Variants in ATCAY observed in about 807,000 individuals in gnomAD.
ATCAY encodes the protein ATCAY kinesin light chain interacting caytaxin.
In ATCAY, 22 loss-of-function variants were observed where a neutral mutation model predicts 47.7. That is an observed-to-expected ratio of 0.46 (90% CI 0.33 to 0.66). ATCAY has a LOEUF of 0.66. ATCAY is among the 30% of genes least tolerant of loss of function. The pLI is 0.02. For missense variants in ATCAY, 452 were observed against 515.0 expected (o/e 0.88, Z 1.18); for synonymous variants, 216 against 207.6 (o/e 1.04, Z -0.35).
Position 3,918,728 on chromosome 19 carries a change from G to C in ATCAY, c.1002-78G>C, listed in dbSNP as rs902286672. 6.7e-6 allele frequency: 10 copies of C among 1,500,362 alleles called. No homozygotes were observed. The Admixed American group carries it at 1.7e-4, about 26-fold the overall frequency. 92.9% of individuals were successfully genotyped at this position (1,500,362 alleles called of 1,614,324 possible). ...TCCCAGGGGACAGGAAAACCAGAGA[G>C]GCCAGTACTAGCTGAGAGCCCACCC... On this transcript the variant is annotated intron_variant, in intron 10 of 12. Coordinates refer to ENST00000450849, the MANE Select transcript of ATCAY (RefSeq NM_033064.5).
chr19:3,923,549 G>A (rs1019310999), intron 12 of ATCAY, among the ~76,000 whole-genome samples: 1 of 151,958 alleles, frequency 6.6e-6, no homozygotes, highest in Non-Finnish European at 1.5e-5. Context: ...TAGGTGGATG[G>A]ATGGATGGAT....
intron 5 of ATCAY, 96 bp downstream of exon 5, chr19:3,908,015 T>G (rs953743711): frequency 1.4e-6 from 2 of 1,458,584 alleles, no homozygotes; most frequent in African/African-American, 1.4e-5. Context: ...ACGGGGATGT[T>G]AAGCCGTCAA....
chr19:3,924,756 C>G lies in ATCAY; in HGVS notation c.*164C>G. On this transcript the variant is annotated 3_prime_UTR_variant, in exon 13 of 13. Transcript: ENST00000450849. ...CTCTGAAACCCAGCATCCTTTTCAG[C>G]TGCTTGAAAACATTGTATTTTTTTT... 1.5e-6 allele frequency: 1 copy of G among 679,662 alleles called. No homozygotes were observed. The highest frequency in any genetic ancestry group is 2.4e-6 in the Non-Finnish European group (1 of 413,478). 42.1% of individuals were successfully genotyped at this position (679,662 alleles called of 1,614,324 possible). A position where few individuals can be genotyped will look rare whatever the true frequency, so the allele number is the denominator to read the frequency against.
chr19:3,882,610 G>A (rs781591803), intron 1 of ATCAY, among the ~76,000 whole-genome samples: 1 of 148,184 alleles, frequency 6.7e-6, no homozygotes. Context: ...GGGATTACAG[G>A]TGTGAGCCAC....
chr19:3,918,505 T>C (rs1332952339), intron 10 of ATCAY, among the ~76,000 whole-genome samples: 4 of 149,926 alleles, frequency 2.7e-5, no homozygotes, highest in Non-Finnish European at 5.9e-5. Flanking sequence ...CAGTGAGCCA[T>C]GATTGTACCA....
At chr19:3,901,144 C>T (rs1461087246) in intron 2 of ATCAY, among the ~76,000 whole-genome samples, 3 of 151,926 alleles carry the variant, frequency 2.0e-5, no homozygotes, top group Admixed American at 6.6e-5. Flanking sequence ...CCTCGTGATC[C>T]GCACGCCTCG....
In ATCAY at chr19:3,884,056, C is replaced by G. The variant is rs576568713; in HGVS notation, c.-41-1671C>G. Among the ~76,000 whole-genome samples, 4 of 152,150 alleles carry G rather than the reference C, an allele frequency of 2.6e-5. No individual in the cohort carries two copies. In the East Asian group the frequency reaches 5.8e-4, roughly 22 times the overall value. On this transcript the variant is annotated intron_variant, in intron 1 of 12. Coordinates refer to ENST00000450849, the MANE Select transcript of ATCAY (RefSeq NM_033064.5). The stretch of plus-strand genomic sequence containing the variant: ...CAGTGGCTCACACCTGTAATCCCAG[C>G]GCTCTGGGAGGCTGAGGCAAGAGGA...
At chr19:3,908,702 TCCTCCCTTTTCTCCTCCTCC>T (rs2038890469) in intron 6 of ATCAY, among the ~76,000 whole-genome samples, 1 of 89,582 alleles carries the variant, frequency 1.1e-5, no homozygotes, top group African/African-American at 4.7e-5. Flanking sequence ...TCCCCCCTCC[TCCTCCCTTTTCTCCTCCTCC>T]TCCCCTTCCC....
At chr19:3,908,800 CTTTCTCCA>C in intron 6 of ATCAY, among the ~76,000 whole-genome samples, 1 of 108,682 alleles carries the variant, frequency 9.2e-6, no homozygotes, top group Non-Finnish European at 2.0e-5. Context: ...TCTTCCTCCC[CTTTCTCCA>C]CCTCATCCTC....
rs1201861541 is a variant in ATCAY, at chr19:3,883,341, C to CA, written c.-42+2343dup. 4.3e-4 allele frequency among the ~76,000 whole-genome samples: 62 copies of CA among 144,942 alleles called. 1 individual carries two copies. Among genetic ancestry groups the CA allele is most frequent in the East Asian group, 1.6e-3 (8 of 4,988 alleles). Reference sequence around the variant, plus strand: ...TGGGCGACAGAGCGAGACTCTGTCTCAAAAAAAAAATGACAACAAAAAAAG... The same window carrying CA: ...TGGGCGACAGAGCGAGACTCTGTCTCAAAAAAAAAAATGACAACAAAAAAAG... On this transcript the variant is annotated intron_variant, in intron 1 of 12. Transcript: ENST00000450849.
intron 9 of ATCAY, among the ~76,000 whole-genome samples, chr19:3,916,954 C>T (rs1024220324): frequency 6.6e-6 from 1 of 151,816 alleles, no homozygotes; most frequent in Non-Finnish European, 1.5e-5. Flanking sequence ...ATTACAGGCA[C>T]CTGCCACCAC....
chr19:3,888,466 C>T (rs1024771798), intron 2 of ATCAY, among the ~76,000 whole-genome samples: 2 of 151,802 alleles, frequency 1.3e-5, no homozygotes, highest in Admixed American at 6.6e-5. Context: ...CCCGTCTCTA[C>T]TAAAAATACA....
chr19:3,896,558 C>T (rs535607800), intron 2 of ATCAY, among the ~76,000 whole-genome samples: 5 of 151,814 alleles, frequency 3.3e-5, no homozygotes, highest in South Asian at 4.2e-4. Context: ...TGAGCCCCTG[C>T]GCCCGGCCTG....
At chr19:3,922,220 G>A (rs1222711108) in intron 12 of ATCAY, 5 of 701,268 alleles carry the variant, frequency 7.1e-6, no homozygotes, top group East Asian at 5.4e-5. Context: ...CCTAAGTCAC[G>A]TTGTGAGTGT....
intron 4 of ATCAY, among the ~76,000 whole-genome samples, chr19:3,906,443 C>G (rs1373815530): frequency 1.3e-5 from 2 of 151,480 alleles, no homozygotes; most frequent in Non-Finnish European, 2.9e-5. Context: ...GCTGGGATTA[C>G]AGGCATGCAC....
At chr19:3,881,953 G>C (rs1467868280) in intron 1 of ATCAY, among the ~76,000 whole-genome samples, 1 of 138,502 alleles carries the variant, frequency 7.2e-6, no homozygotes, top group Non-Finnish European at 1.5e-5. Context: ...CATGAATGAC[G>C]ACATTGAGGA....
At position 3,911,752 on chromosome 19, in the gene ATCAY, T is replaced by C. The variant is rs2038924182; in HGVS notation, c.866+863T>C. On this transcript the variant is annotated intron_variant, in intron 8 of 12. Coordinates refer to ENST00000450849, the MANE Select transcript of ATCAY (RefSeq NM_033064.5). The stretch of plus-strand genomic sequence containing the variant: ...TTTAATCTAATGCAAAACATTGAAT[T>C]GAATAAAGATTCCTAATGTTCACGT... 2.0e-5 allele frequency among the ~76,000 whole-genome samples: 3 copies of C among 152,134 alleles called. No individual in the cohort carries two copies. In the South Asian group the frequency reaches 6.2e-4, roughly 31 times the overall value.
At chr19:3,918,497 G>A (rs1359028440) in intron 10 of ATCAY, among the ~76,000 whole-genome samples, 1 of 151,718 alleles carries the variant, frequency 6.6e-6, no homozygotes, top group East Asian at 1.9e-4. Context: ...TGAGGCTGCA[G>A]TGAGCCATGA....
At chr19:3,895,296 C>T (rs1055187748) in intron 2 of ATCAY, 93 of 447,906 alleles carry the variant, frequency 2.1e-4, no homozygotes, top group Non-Finnish European at 3.6e-4. Flanking sequence ...CTCACTGCAA[C>T]CTCCGCTTCC....
Sources: allele counts gnomAD v4.1 joint callset (sites outside exome capture counted in the v4.1 genomes callset), GRCh38; gene constraint gnomAD v4.1.1; transcripts MANE v1.5; gene names NCBI Gene and HGNC (gene_info 2026-07-23, HGNC 2026-07-21).